Variants in IL1RAPL1 observed in about 807,000 individuals in gnomAD.
IL1RAPL1 encodes interleukin-1 receptor accessory protein-like 1.
IL1RAPL1 carries 3 observed loss-of-function variants against 48.4 expected under a neutral mutation model. The observed-to-expected ratio is 0.06, with a 90% CI of 0.03 to 0.16. IL1RAPL1 has a LOEUF of 0.16. Among genes scored for constraint, IL1RAPL1 ranks in the 10% least tolerant of loss-of-function variants. The pLI, the probability that IL1RAPL1 is intolerant of heterozygous loss-of-function variation, is 1.00. For missense variants in IL1RAPL1, 349 were observed against 530.6 expected, an observed-to-expected ratio of 0.66 and a Z score of 3.36; for synonymous variants, 185 against 187.7, an observed-to-expected ratio of 0.99 and a Z score of 0.12.
At chrX:29,352,205 C>G (rs914699657) in intron 3 of IL1RAPL1, among the ~76,000 whole-genome samples, 1 of 111,513 alleles carries the variant, frequency 9.0e-6, no homozygotes, top group African/African-American at 3.3e-5. Context: ...TAGCTGCTCT[C>G]TGCTCTTTCA....
At chrX:29,317,780 T>C (rs1322415968) in intron 3 of IL1RAPL1, among the ~76,000 whole-genome samples, 1 of 112,253 alleles carries the variant, frequency 8.9e-6, no homozygotes, top group African/African-American at 3.2e-5. Context: ...GTGAATTTAT[T>C]CAACAAAAAT....
chrX:29,803,385 GTATACACATATGTA>G (rs1930141171), intron 6 of IL1RAPL1, among the ~76,000 whole-genome samples: 3 of 87,910 alleles, frequency 3.4e-5, no homozygotes, highest in East Asian at 3.7e-4. Context: ...ATGTATACAT[GTATACACATATGTA>G]TATATGTGTA....
At chrX:28,874,009 G>A (rs976748522) in intron 2 of IL1RAPL1, among the ~76,000 whole-genome samples, 1 of 109,470 alleles carries the variant, frequency 9.1e-6, no homozygotes, top group African/African-American at 3.3e-5. Flanking sequence ...TTTGTGAGAT[G>A]GATGGGGGAA....
intron 6 of IL1RAPL1, among the ~76,000 whole-genome samples, chrX:29,908,324 G>GCCCAGGAGTTCAAGACCAGGCTGGGTAAC (rs1297916681): frequency 5.5e-5 from 6 of 109,152 alleles, no homozygotes; most frequent in Non-Finnish European, 9.5e-5. Context: ...GACCGCTTGA[G>GCCCAGGAGTTCAAGACCAGGCTGGGTAAC]CCCAGGAGTT....
At chrX:28,681,312 A>G (rs762298174) in intron 1 of IL1RAPL1, among the ~76,000 whole-genome samples, 92 of 111,510 alleles carry the variant, frequency 8.3e-4, no homozygotes, top group African/African-American at 2.9e-3. Flanking sequence ...GTGTCTATAT[A>G]CAATTAGATA....
intron 6 of IL1RAPL1, among the ~76,000 whole-genome samples, chrX:29,763,310 A>G (rs1928799195): frequency 9.0e-6 from 1 of 111,436 alleles, no homozygotes; most frequent in Non-Finnish European, 1.9e-5. Context: ...TTTAAGAACT[A>G]GAGTATTGTG....
chrX:28,776,132 A>G (rs1936360763), intron 1 of IL1RAPL1, among the ~76,000 whole-genome samples: 1 of 111,636 alleles, frequency 9.0e-6, no homozygotes, highest in African/African-American at 3.3e-5. Flanking sequence ...TTATGTCCCC[A>G]TTATAACCTA....
At chrX:29,532,661 G>A (rs1318625605) in intron 5 of IL1RAPL1, among the ~76,000 whole-genome samples, 1 of 111,982 alleles carries the variant, frequency 8.9e-6, no homozygotes, top group East Asian at 2.8e-4. Context: ...TCATGAATCT[G>A]TCCTGTGCAG....
chrX:29,670,609 T>A (rs939331558), intron 6 of IL1RAPL1, among the ~76,000 whole-genome samples: 3 of 111,822 alleles, frequency 2.7e-5, no homozygotes, highest in African/African-American at 9.7e-5. Context: ...GCATTGCTAG[T>A]AAGTAGGTGA....
chrX:29,687,645 A>T (rs1926661216), intron 6 of IL1RAPL1, among the ~76,000 whole-genome samples: 1 of 111,966 alleles, frequency 8.9e-6, no homozygotes, highest in South Asian at 3.7e-4. Context: ...GCTCGAAGAG[A>T]GGTTTTTGAG....
intron 2 of IL1RAPL1, among the ~76,000 whole-genome samples, chrX:28,892,961 C>G (rs1388412095): frequency 1.8e-5 from 2 of 111,448 alleles, no homozygotes; most frequent in African/African-American, 6.5e-5. Context: ...GCCTTGCCAG[C>G]AAAGATTATT....
chrX:29,595,697 A>T (rs1923523702), intron 5 of IL1RAPL1, among the ~76,000 whole-genome samples: 1 of 111,733 alleles, frequency 8.9e-6, no homozygotes, highest in Admixed American at 9.5e-5. Flanking sequence ...TTTTCTGTTA[A>T]TTCTGATTAT....
rs1418137669 is a variant in IL1RAPL1 at position 29,103,321 on chromosome X, A to G, written c.83-179617A>G. 2.7e-5 allele frequency among the ~76,000 whole-genome samples: 3 copies of G among 111,831 alleles called. No individual in the cohort carries two copies. In the Admixed American group the frequency reaches 2.8e-4, roughly 11 times the overall value. ...AGAGAACCCAGAAACAAATCTATACATCTACAGTGAACTTATCTTCCACAA... is the reference window on the plus strand; with the variant it reads ...AGAGAACCCAGAAACAAATCTATACGTCTACAGTGAACTTATCTTCCACAA... On this transcript the variant is annotated intron_variant, in intron 2 of 10. Transcript: ENST00000378993.
chrX:28,651,955 A>T (rs1449664463), intron 1 of IL1RAPL1, among the ~76,000 whole-genome samples: 1 of 111,489 alleles, frequency 9.0e-6, no homozygotes, highest in Non-Finnish European at 1.9e-5. Flanking sequence ...GTCTTTAAAA[A>T]TCCCTCCACA....
At chrX:29,441,664 GCTTA>G (rs1934548955) in intron 5 of IL1RAPL1, among the ~76,000 whole-genome samples, 1 of 111,464 alleles carries the variant, frequency 9.0e-6, no homozygotes, top group African/African-American at 3.3e-5. Context: ...GATTCCACGT[GCTTA>G]CTTATATCCG....
intron 6 of IL1RAPL1, among the ~76,000 whole-genome samples, chrX:29,724,482 A>T (rs1448717765): frequency 8.9e-6 from 1 of 112,505 alleles, no homozygotes. Flanking sequence ...CAAAGCTAGC[A>T]TGCTCCTGAG....
intron 2 of IL1RAPL1, among the ~76,000 whole-genome samples, chrX:28,907,096 G>A (rs1923237735): frequency 9.1e-6 from 1 of 110,486 alleles, no homozygotes; most frequent in Admixed American, 9.6e-5. Context: ...TTGTCTTGTT[G>A]GGGAAGTCCA....
intron 2 of IL1RAPL1, among the ~76,000 whole-genome samples, chrX:29,029,964 G>C (rs1213741185): frequency 1.0e-5 from 1 of 98,678 alleles, no homozygotes; most frequent in Non-Finnish European, 2.0e-5. Flanking sequence ...TTTGGCTTGT[G>C]GATGTCCAAT....
intron 5 of IL1RAPL1, among the ~76,000 whole-genome samples, chrX:29,447,043 T>G (rs927423575): frequency 8.9e-6 from 1 of 111,777 alleles, no homozygotes; most frequent in African/African-American, 3.2e-5. Context: ...TCAGTGTAAG[T>G]TCCTGAAATC....
Sources: gnomAD v4.1 joint callset for allele counts (sites outside exome capture counted in the v4.1 genomes callset) on GRCh38, gnomAD v4.1.1 for gene constraint, MANE v1.5 for transcripts, NCBI Gene and HGNC (gene_info 2026-07-23, HGNC 2026-07-21) for gene names.